Variants in EPHA3 observed in about 807,000 individuals in gnomAD.
EPHA3 encodes EPH receptor A3.
Under a neutral mutation model 107.1 loss-of-function variants are expected in EPHA3, and 42 were observed. That is an observed-to-expected ratio of 0.39 (90% CI 0.31 to 0.51). The LOEUF (loss-of-function observed/expected upper bound fraction) is 0.51. Ranked by LOEUF, EPHA3 falls within the 20% of genes least tolerant of loss-of-function variation. The pLI, the probability that EPHA3 is intolerant of heterozygous loss-of-function variation, is 0.78. For synonymous variants in EPHA3, 461 were observed against 424.8 expected, an observed-to-expected ratio of 1.09 and a Z score of -1.05; for missense variants, 1,183 against 1,211.2, an observed-to-expected ratio of 0.98 and a Z score of 0.35.
At chr3:89,169,701 A>G (rs940162040) in intron 2 of EPHA3, among the ~76,000 whole-genome samples, 2 of 152,248 alleles carry the variant, frequency 1.3e-5, no homozygotes, top group African/African-American at 4.8e-5. Context: ...ATATGGCTAC[A>G]TAAAGAGACA....
intron 7 of EPHA3, chr3:89,399,726 G>GC: frequency 1.0e-6 from 1 of 987,028 alleles, no homozygotes; most frequent in Non-Finnish European, 1.3e-6. Context: ...AAATGCTTCT[G>GC]TTTTTTTTTT....
intron 5 of EPHA3, among the ~76,000 whole-genome samples, chr3:89,373,916 C>T (rs1235622349): frequency 2.0e-5 from 3 of 151,732 alleles, no homozygotes; most frequent in Non-Finnish European, 2.9e-5. Flanking sequence ...GAATTTAACT[C>T]TAAGGGTCAA....
intron 3 of EPHA3, among the ~76,000 whole-genome samples, chr3:89,215,004 G>A (rs1296966240): frequency 6.6e-6 from 1 of 151,882 alleles, no homozygotes; most frequent in East Asian, 1.9e-4. Context: ...TTAGTTAGTT[G>A]GAAAGGATAT....
At chr3:89,141,284 T>C (rs535262548) in intron 2 of EPHA3, among the ~76,000 whole-genome samples, 1 of 151,556 alleles carries the variant, frequency 6.6e-6, no homozygotes, top group Non-Finnish European at 1.5e-5. Context: ...GTTTACTCCA[T>C]GGACTTAGAC....
At chr3:89,120,948 T>C (rs962537433) in intron 1 of EPHA3, among the ~76,000 whole-genome samples, 3 of 152,096 alleles carry the variant, frequency 2.0e-5, no homozygotes, top group African/African-American at 7.2e-5. Flanking sequence ...ATTTAAAAAA[T>C]TACTACATCA....
intron 2 of EPHA3, among the ~76,000 whole-genome samples, chr3:89,172,284 G>T (rs942165772): frequency 1.2e-4 from 18 of 152,122 alleles, no homozygotes; most frequent in Non-Finnish European, 2.9e-5. Context: ...CTCATTGTGT[G>T]CCCAAACCTT....
intron 2 of EPHA3, among the ~76,000 whole-genome samples, chr3:89,178,923 T>C (rs1342694286): frequency 6.6e-6 from 1 of 151,826 alleles, no homozygotes; most frequent in Non-Finnish European, 1.5e-5. Context: ...TATTAAATCA[T>C]AATAAGGTAG....
intron 13 of EPHA3, among the ~76,000 whole-genome samples, chr3:89,433,764 T>C (rs887685654): frequency 6.6e-6 from 1 of 152,184 alleles, no homozygotes; most frequent in Admixed American, 6.6e-5. Flanking sequence ...TACAAGTGAC[T>C]ACAATTATAT....
chr3:89,193,952 T>C (rs527716776), intron 2 of EPHA3, among the ~76,000 whole-genome samples: 1 of 152,034 alleles, frequency 6.6e-6, no homozygotes, highest in Non-Finnish European at 1.5e-5. Context: ...ATGTATTTCA[T>C]TATTTTTGCT....
At chr3:89,437,009 T>G (rs1709685271) in intron 13 of EPHA3, among the ~76,000 whole-genome samples, 1 of 152,196 alleles carries the variant, frequency 6.6e-6, no homozygotes, top group Admixed American at 6.5e-5. Flanking sequence ...ACAATGTTAT[T>G]ATGCATCCTG....
intron 5 of EPHA3, among the ~76,000 whole-genome samples, chr3:89,351,451 G>C (rs1390528206): frequency 6.6e-6 from 1 of 150,542 alleles, no homozygotes; most frequent in East Asian, 2.0e-4. Flanking sequence ...TCCCAGGTGA[G>C]GCAATGCCTC....
At chr3:89,323,814 A>G (rs1167264961) in intron 3 of EPHA3, among the ~76,000 whole-genome samples, 4 of 152,142 alleles carry the variant, frequency 2.6e-5, no homozygotes, top group Non-Finnish European at 4.4e-5. Flanking sequence ...TTACATAGAA[A>G]TTATGTATTT....
chr3:89,132,030 G>T (rs1704217247), intron 2 of EPHA3, among the ~76,000 whole-genome samples: 1 of 152,184 alleles, frequency 6.6e-6, no homozygotes, highest in South Asian at 2.1e-4. Context: ...TGCAGGGATT[G>T]GTTGAAGCAA....
chr3:89,360,895 C>T (rs1382314762), intron 5 of EPHA3, among the ~76,000 whole-genome samples: 1 of 150,876 alleles, frequency 6.6e-6, no homozygotes, highest in East Asian at 1.9e-4. Context: ...ACTGGCATTA[C>T]TTTTTAATTG....
chr3:89,157,377 C>T (rs1446568158), intron 2 of EPHA3, among the ~76,000 whole-genome samples: 1 of 151,920 alleles, frequency 6.6e-6, no homozygotes, highest in East Asian at 1.9e-4. Flanking sequence ...TAACAGGCAC[C>T]CCTTCTCATA....
chr3:89,444,500 C>A (rs1424363132), intron 13 of EPHA3, among the ~76,000 whole-genome samples: 5 of 151,580 alleles, frequency 3.3e-5, no homozygotes, highest in African/African-American at 1.2e-4. Flanking sequence ...TTAAAAATTT[C>A]TTTTTATCTG....
chr3:89,145,125 G>C (rs1168787681), intron 2 of EPHA3, among the ~76,000 whole-genome samples: 1 of 151,580 alleles, frequency 6.6e-6, no homozygotes, highest in Non-Finnish European at 1.5e-5. Context: ...TAGAGGAGGG[G>C]AGACAGGGAC....
At chr3:89,297,335 C>T (rs149882752) in intron 3 of EPHA3, among the ~76,000 whole-genome samples, 2 of 152,204 alleles carry the variant, frequency 1.3e-5, no homozygotes, top group East Asian at 3.9e-4. Context: ...TTCACTTGAA[C>T]ACTTACAGGC....
In EPHA3 at chr3:89,341,796, G is replaced by C. The variant is rs1279441414; in HGVS notation, c.1012G>C (p.Glu338Gln). The C allele has an allele frequency of 1.9e-6, 3 of 1,613,594 alleles. No homozygotes were observed. The highest frequency in any genetic ancestry group is 1.3e-5 in the African/African-American group (1 of 74,798). ...SPRNVISNIN[E>Q]TSVILDWSWP... The stretch of plus-strand genomic sequence containing the variant: ...AAGAAATGTTATCTCTAATATAAAC[G>C]AGACCTCAGTTATCCTGGACTGGAG... The change falls in exon 5 of 17, where the codon GAG becomes CAG. Residue 338 changes from glutamate (E) to glutamine (Q), a missense_variant. Coordinates refer to ENST00000336596, the MANE Select transcript of EPHA3 (RefSeq NM_005233.6).
Sources: gnomAD v4.1 joint callset for allele counts (sites outside exome capture counted in the v4.1 genomes callset) on GRCh38, gnomAD v4.1.1 for gene constraint, MANE v1.5 for transcripts, NCBI Gene and HGNC (gene_info 2026-07-23, HGNC 2026-07-21) for gene names.